Variants in NSMF observed in about 807,000 individuals in gnomAD.
NSMF encodes NMDA receptor synaptonuclear signaling and neuronal migration factor.
Under a neutral mutation model 71.0 loss-of-function variants are expected in NSMF, and 31 were observed. The ratio of observed to expected loss-of-function variants is 0.44; its 90% CI spans 0.33 to 0.59. The LOEUF is 0.59. Ranked by LOEUF, NSMF falls within the 20% of genes least tolerant of loss-of-function variation. NSMF has a pLI of 0.04. For synonymous variants in NSMF, 345 were observed against 287.1 expected, an observed-to-expected ratio of 1.20 and a Z score of -2.04; for missense variants, 673 against 740.5, an observed-to-expected ratio of 0.91 and a Z score of 1.06.
intron 4 of NSMF, 48 bp from the exon 5 acceptor site, chr9:137,455,682 G>C: frequency 6.5e-7 from 1 of 1,549,730 alleles, no homozygotes; most frequent in Non-Finnish European, 8.7e-7. Flanking sequence ...GACACAGTGA[G>C]CTCAACCCCG....
chr9:137,450,105 G>C, intron 13 of NSMF, 71 bp downstream of exon 13: 1 of 1,583,910 alleles, frequency 6.3e-7, no homozygotes, highest in Non-Finnish European at 8.7e-7. Flanking sequence ...GAGGGGCTGT[G>C]GGGGAGGGAC....
intron 6 of NSMF, 194 bp from the exon 7 acceptor site, chr9:137,454,637 G>A: frequency 3.3e-6 from 5 of 1,535,880 alleles, no homozygotes. Flanking sequence ...AGCCTTCCAG[G>A]GCTCCCCTTC....
intron 3 of NSMF, 129 bp from the exon 4 acceptor site, chr9:137,456,615 G>T: frequency 1.4e-6 from 1 of 728,840 alleles, no homozygotes; most frequent in South Asian, 1.4e-5. Context: ...CGGGTGGGGG[G>T]AGGGTGGCAT....
rs777446792 is a variant in NSMF, at chr9:137,452,575, G to A, written c.1143C>T (p.His381=). 46 of 1,612,566 alleles carry A rather than the reference G, an allele frequency of 2.9e-5. No individual in the cohort carries two copies. The East Asian group carries it at 6.5e-4, about 23-fold the overall frequency. ...TACCAAGGATGTCCTCGAAGGTTGC[G>A]TGCTCATGGTCCTGGGGACAGACAC... ...SIIPILYDHE[H]ATFEDILEEI... The change falls in exon 11 of 16, where the codon CAC becomes CAT. Residue 381 remains histidine (H), a synonymous_variant. Coordinates refer to ENST00000371475, the MANE Select transcript of NSMF (RefSeq NM_001130969.3).
rs1273312158 is a variant in NSMF, at chr9:137,449,019, A to G, written c.*375T>C. ...ACTGTAACTAGCAGCATAGTGCTTAACTAGTTAACAAGAAATGCTGCTTCC... is the reference window on the plus strand; with the variant it reads ...ACTGTAACTAGCAGCATAGTGCTTAGCTAGTTAACAAGAAATGCTGCTTCC... On this transcript the variant is annotated 3_prime_UTR_variant, in exon 16 of 16. Coordinates refer to ENST00000371475, the MANE Select transcript of NSMF (RefSeq NM_001130969.3). The G allele has an allele frequency of 2.6e-6, 1 of 381,136 alleles. No individual in the cohort carries two copies. The highest frequency in any genetic ancestry group is 2.1e-5 in the African/African-American group (1 of 47,998). 23.6% of individuals were successfully genotyped at this position (381,136 alleles called of 1,614,324 possible). A position where few individuals can be genotyped will look rare whatever the true frequency, so the allele number is the denominator to read the frequency against.
intron 4 of NSMF, 32 bp downstream of exon 4, chr9:137,456,379 C>T: frequency 3.2e-6 from 5 of 1,569,134 alleles, no homozygotes; most frequent in South Asian, 2.2e-5. Context: ...GACCACCCAA[C>T]CCTGACCCCA....
chr9:137,449,794 G>A, intron 14 of NSMF, 120 bp from the exon 15 acceptor site: 2 of 1,297,564 alleles, frequency 1.5e-6, no homozygotes, highest in South Asian at 1.2e-5. Context: ...CTGGGCTCAG[G>A]CATAAAGGAT....
Position 137,449,192 on chromosome 9 carries a change from C to G in NSMF, c.*202G>C. On this transcript the variant is annotated 3_prime_UTR_variant, in exon 16 of 16. Transcript: ENST00000371475. Reference sequence around the variant, plus strand: ...GGCCACAGGGCGGGATCCTCCCGGCCCCCAGGGACTGCAGCCTCTGCGGCC... The same window carrying G: ...GGCCACAGGGCGGGATCCTCCCGGCGCCCAGGGACTGCAGCCTCTGCGGCC... The G allele has an allele frequency of 1.6e-6, 1 of 610,632 alleles. No individual in the cohort carries two copies. Among genetic ancestry groups the G allele is most frequent in the South Asian group, 1.9e-5 (1 of 52,516 alleles). The allele number at this position is 610,632 out of a possible 1,614,324, so 37.8% of individuals were successfully genotyped here.
At chr9:137,454,587 C>A in intron 6 of NSMF, 144 bp from the exon 7 acceptor site, 1 of 1,546,786 alleles carries the variant, frequency 6.5e-7, no homozygotes, top group Non-Finnish European at 8.7e-7. Flanking sequence ...GCACCACCTC[C>A]CACCCAAAGG....
At chr9:137,452,461 G>A (rs994328342) in intron 11 of NSMF, 26 bp from the exon 12 acceptor site, 5 of 1,612,038 alleles carry the variant, frequency 3.1e-6, no homozygotes, top group South Asian at 1.1e-5. Flanking sequence ...TGTGAGTGCT[G>A]CGGCCCCCAC....
chr9:137,459,126 CG>C lies in NSMF; in HGVS notation c.-25del. 9.0e-7 allele frequency: 1 copy of C among 1,109,548 alleles called. No homozygotes were observed. Among genetic ancestry groups the C allele is most frequent in the Non-Finnish European group, 1.1e-6 (1 of 910,166 alleles). The allele number at this position is 1,109,548 out of a possible 1,614,324, so 68.7% of individuals were successfully genotyped here. A position where few individuals can be genotyped will look rare whatever the true frequency, so the allele number is the denominator to read the frequency against. On this transcript the variant is annotated 5_prime_UTR_variant, in exon 1 of 16. Coordinates refer to ENST00000371475, the MANE Select transcript of NSMF (RefSeq NM_001130969.3). ...ATGGTCGAGGCGGCGGCGCATCCCC[CG>C]GGCCTCAGAGCGCGCCCCGCGCCCG...
In NSMF at chr9:137,453,507, T is replaced by G. The variant is rs1328506299; in HGVS notation, c.922+224A>C. 1 of 597,306 alleles carries G rather than the reference T, an allele frequency of 1.7e-6. No individual in the cohort carries two copies. The highest frequency in any genetic ancestry group is 3.0e-6 in the Non-Finnish European group (1 of 338,056). 37.0% of individuals were successfully genotyped at this position (597,306 alleles called of 1,614,324 possible). The stretch of plus-strand genomic sequence containing the variant: ...CCTGAGGGCCTCTTGCGAGTGGCGG[T>G]GGGCACGGCCCTACAGGCGCCCCCG... On this transcript the variant is annotated intron_variant, in intron 8 of 15. Transcript: ENST00000371475. The surrounding 1 kb of genome is among the most constrained non-coding windows in gnomAD (Gnocchi z 4.5).
At chr9:137,455,139 C>T in intron 6 of NSMF, 100 bp downstream of exon 6, 5 of 1,319,516 alleles carry the variant, frequency 3.8e-6, no homozygotes, top group Non-Finnish European at 5.5e-6. Context: ...GTGGTCGCCA[C>T]CACCCTTCCC....
rs745620333 is a variant in NSMF, at chr9:137,449,591, T to TA, written c.1495+7dup. Reference sequence around the variant, plus strand: ...CTGCAGAGCTTCGGCCCAGCCTGGGTAACTCACCTTGGGCTGAGAGCTCCA... The same window carrying TA: ...CTGCAGAGCTTCGGCCCAGCCTGGGTAAACTCACCTTGGGCTGAGAGCTCCA... On this transcript the variant is annotated splice_region_variant and intron_variant, in intron 15 of 15. Transcript: ENST00000371475. 34 of 1,611,824 alleles carry TA rather than the reference T, an allele frequency of 2.1e-5. No individual in the cohort carries two copies. The highest frequency in any genetic ancestry group is 2.7e-5 in the Non-Finnish European group (32 of 1,179,470).
At chr9:137,450,060 G>A (rs373466577) in intron 13 of NSMF, 35 bp from the exon 14 acceptor site, 2 of 1,598,690 alleles carry the variant, frequency 1.3e-6, no homozygotes, top group African/African-American at 1.3e-5. Flanking sequence ...AGTGGCAGGG[G>A]ACAGGCACCC....
chr9:137,458,900 G>T, intron 1 of NSMF, 132 bp downstream of exon 1: 1 of 698,542 alleles, frequency 1.4e-6, no homozygotes, highest in Non-Finnish European at 2.1e-6. Context: ...GGGAGGCGCG[G>T]GGCGCGGGGA....
chr9:137,455,200 A>C, intron 6 of NSMF, 39 bp downstream of exon 6: 416 of 1,563,884 alleles, frequency 2.7e-4, no homozygotes, highest in Middle Eastern at 3.3e-4. Context: ...AGCACAGACC[A>C]GAGATGGACC....
intron 14 of NSMF, 116 bp downstream of exon 14, chr9:137,449,807 C>G (rs535703935): frequency 1.5e-6 from 2 of 1,302,438 alleles, no homozygotes; most frequent in African/African-American, 1.5e-5. Context: ...TAAAGGATTT[C>G]TAGGGGAATG....
In NSMF at chr9:137,457,574, C is replaced by A; in HGVS notation, c.461G>T (p.Cys154Phe). 1 of 1,575,092 alleles carries A rather than the reference C, an allele frequency of 6.3e-7. No homozygotes were observed. Residue 154 changes from cysteine to phenylalanine, a missense_variant, in exon 3 of 16, where the codon TGC (cysteine) becomes TTC (phenylalanine). By Grantham distance (205) the Cys-to-Phe change is radical (BLOSUM62 -2). This residue lies in a region of NSMF where 471 missense variants were observed against 459.6 expected (regional missense o/e 1.02). Coordinates refer to ENST00000371475, the MANE Select transcript of NSMF (RefSeq NM_001130969.3). ...CTGGCGGCTGCCCGCCCAGCTCTGG[C>A]AGGGCCTGCTGACGTCCTCCCGGCT... ...GGSREDVSRP[C>F]QSWAGSRQGS...
Sources: allele counts gnomAD v4.1 joint callset, GRCh38; gene constraint gnomAD v4.1.1; regional missense constraint gnomAD v4.1.1; non-coding constraint Gnocchi (gnomAD v3.1); transcripts MANE v1.5; gene names NCBI Gene and HGNC (gene_info 2026-07-23, HGNC 2026-07-21).